The following NUP88 variants were observed in gnomAD, a reference collection of about 807,000 sequenced individuals.
NUP88 encodes nuclear pore complex protein Nup88.
In NUP88, 57 loss-of-function variants were observed where a neutral mutation model predicts 93.9. The ratio of observed to expected loss-of-function variants is 0.61; its 90% confidence interval spans 0.49 to 0.76. The LOEUF (loss-of-function observed/expected upper bound fraction) is 0.76. NUP88 is among the 30% of genes least tolerant of loss of function. NUP88 has a pLI of 0.00. For synonymous variants in NUP88, 346 were observed against 336.8 expected, an observed-to-expected ratio of 1.03 and a Z score of -0.30; for missense variants, 911 against 901.0, an observed-to-expected ratio of 1.01 and a Z score of -0.14.
chr17:5,410,794 C>T lies in NUP88; in HGVS notation c.594-5G>A, dbSNP rs367627797. On this transcript the variant is annotated splice_polypyrimidine_tract_variant and splice_region_variant and intron_variant, in intron 3 of 16. Transcript: ENST00000573584. Reference sequence around the variant, plus strand: ...GGCTCACGTAGTGAGTAAATTCTAGCAACCAAAAGAGAAGAAAACCAGCAC... The same window carrying T: ...GGCTCACGTAGTGAGTAAATTCTAGTAACCAAAAGAGAAGAAAACCAGCAC... The T allele has an allele frequency of 3.2e-6, 5 of 1,578,750 alleles. No homozygotes were observed. Among genetic ancestry groups the T allele is most frequent in the Non-Finnish European group, 4.3e-6 (5 of 1,159,570 alleles).
At position 5,404,411 on chromosome 17, in the gene NUP88, G is replaced by A. The variant is rs374273948; in HGVS notation, c.1045-165C>T. ...GTGGATCATCTGAGGTCAGGAGTTC[G>A]AGACCAGCCTGGCCAACATACTGAA... On this transcript the variant is annotated intron_variant, in intron 6 of 16. Coordinates refer to ENST00000573584, the MANE Select transcript of NUP88 (RefSeq NM_002532.6). Among the ~76,000 whole-genome samples, 6 of 152,168 alleles carry A rather than the reference G, an allele frequency of 3.9e-5. 1 individual carries two copies. In the South Asian group the frequency reaches 1.0e-3, roughly 26 times the overall value.
At chr17:5,406,135 A>G (rs1476463453) in intron 5 of NUP88, among the ~76,000 whole-genome samples, 2 of 152,238 alleles carry the variant, frequency 1.3e-5, no homozygotes, top group Non-Finnish European at 1.5e-5. Flanking sequence ...ATACCATGTG[A>G]TAAGTGCAAC....
chr17:5,416,619 G>A lies in NUP88; in HGVS notation c.361C>T (p.His121Tyr), dbSNP rs1479606110. ...IYQVLLSPTQHHVALIGIKGL... is the reference protein window; with the variant it reads ...IYQVLLSPTQYHVALIGIKGL... ...TTTATTCCTATAAGTGCTACATGATGTTGTGTTGGGCTTAACAAGACTTGA... is the reference window on the plus strand; with the variant it reads ...TTTATTCCTATAAGTGCTACATGATATTGTGTTGGGCTTAACAAGACTTGA... Residue 121 changes from histidine (H) to tyrosine (Y), a missense_variant, in exon 2 of 17, where the codon CAT becomes TAT. Physicochemically the swap from His to Tyr is moderately conservative, Grantham distance 83. Transcript: ENST00000573584. 6.2e-7 allele frequency: 1 copy of A among 1,612,426 alleles called. No individual in the cohort carries two copies.
intron 2 of NUP88, among the ~76,000 whole-genome samples, chr17:5,415,165 G>A (rs1302576596): frequency 1.3e-5 from 2 of 151,586 alleles, no homozygotes; most frequent in South Asian, 2.1e-4. Context: ...GACTACAGGC[G>A]TGTGCCACCA....
At chr17:5,397,402 T>C (rs780406739) in intron 8 of NUP88, among the ~76,000 whole-genome samples, 1 of 151,936 alleles carries the variant, frequency 6.6e-6, no homozygotes, top group Non-Finnish European at 1.5e-5. Context: ...GCAGACTTAA[T>C]GTTACCACAA....
intron 10 of NUP88, among the ~76,000 whole-genome samples, chr17:5,391,284 T>A (rs532701496): frequency 1.3e-5 from 2 of 152,306 alleles, no homozygotes; most frequent in South Asian, 4.1e-4. Flanking sequence ...ATATCGATAA[T>A]GGAATTTGGT....
At chr17:5,408,458 TAAGC>T (rs1913625264) in intron 5 of NUP88, among the ~76,000 whole-genome samples, 1 of 152,232 alleles carries the variant, frequency 6.6e-6, no homozygotes, top group Admixed American at 6.5e-5. Context: ...AGATAAACAA[TAAGC>T]ACTTGTTCGG....
chr17:5,416,188 T>TACACACAC (rs149950508), intron 2 of NUP88, among the ~76,000 whole-genome samples: 10,710 of 125,122 alleles, frequency 0.086, 544 homozygotes, highest in Middle Eastern at 0.11. Flanking sequence ...TATACACACA[T>TACACACAC]ACACACACAC....
rs774457202 is a variant in NUP88 at position 5,394,902 on chromosome 17, T to C, written c.1371A>G (p.Pro457=). Residue 457 remains proline, a synonymous_variant, in exon 9 of 17, where the codon CCA becomes CCG. Transcript: ENST00000573584. The part of the protein sequence containing the change: ...CFVEHILCTK[P]LPCRQPAPIR... Reference sequence around the variant, plus strand: ...GGGAGAGTCCTTACCTGCAGGGCAATGGCTTCGTACAAAGGATGTGTTCAA... The same window carrying C: ...GGGAGAGTCCTTACCTGCAGGGCAACGGCTTCGTACAAAGGATGTGTTCAA... 2 of 1,612,202 alleles carry C rather than the reference T, an allele frequency of 1.2e-6. No individual in the cohort carries two copies. The highest frequency in any genetic ancestry group is 4.5e-5 in the East Asian group (2 of 44,884).
In NUP88 at chr17:5,394,953, T is replaced by G. The variant is rs1322209131; in HGVS notation, c.1320A>C (p.Glu440Asp). 1.9e-6 allele frequency: 3 copies of G among 1,612,410 alleles called. No homozygotes were observed. Among genetic ancestry groups the G allele is most frequent in the Non-Finnish European group, 2.5e-6 (3 of 1,178,564 alleles). ...SDEEDKDSLQ[E>D]LSTEQKCFVE... Reference sequence around the variant, plus strand: ...CAAAGCATTTCTGTTCTGTAGAGAGTTCCTGTAAACTATCCTTATCTTCTT... The same window carrying G: ...CAAAGCATTTCTGTTCTGTAGAGAGGTCCTGTAAACTATCCTTATCTTCTT... Residue 440 changes from glutamate (E) to aspartate (D), a missense_variant, in exon 9 of 17, where the codon GAA (glutamate) becomes GAC (aspartate). Transcript: ENST00000573584.
chr17:5,392,015 G>T (rs1214042485), intron 9 of NUP88, among the ~76,000 whole-genome samples: 1 of 152,208 alleles, frequency 6.6e-6, no homozygotes, highest in African/African-American at 2.4e-5. Flanking sequence ...ACTGTTGAAT[G>T]AACAGAACTA....
intron 2 of NUP88, among the ~76,000 whole-genome samples, chr17:5,416,180 T>TATATATATATATATATACACAC (rs1374990658): frequency 9.3e-6 from 1 of 107,338 alleles, no homozygotes; most frequent in Non-Finnish European, 1.8e-5. Flanking sequence ...TATATATATA[T>TATATATATATATATATACACAC]ACACACATAC....
At chr17:5,404,607 T>G (rs1012562547) in intron 6 of NUP88, among the ~76,000 whole-genome samples, 1 of 151,948 alleles carries the variant, frequency 6.6e-6, no homozygotes, top group Non-Finnish European at 1.5e-5. Flanking sequence ...AGAGCGAAAC[T>G]CTGTCTCCAA....
rs530383408 is a variant in NUP88 at position 5,412,487 on chromosome 17, C to T, written c.593+1522G>A. 2.5e-3 allele frequency among the ~76,000 whole-genome samples: 387 copies of T among 152,246 alleles called. 2 individuals carry two copies. The highest frequency in any genetic ancestry group is 0.01 in the Middle Eastern group (3 of 294). On this transcript the variant is annotated intron_variant, in intron 3 of 16. Coordinates refer to ENST00000573584, the MANE Select transcript of NUP88 (RefSeq NM_002532.6). ...TCACGTTCAGTACTATCTACAGTTT[C>T]AGGCATTCACTGGGGGGTCTTGGAA...
chr17:5,393,280 T>C (rs1912558470), intron 9 of NUP88, among the ~76,000 whole-genome samples: 1 of 151,310 alleles, frequency 6.6e-6, no homozygotes, highest in Non-Finnish European at 1.5e-5. Context: ...TTAAATTTTT[T>C]TGTAAAGGGT....
intron 5 of NUP88, among the ~76,000 whole-genome samples, 155 bp downstream of exon 5, chr17:5,408,578 T>C (rs928825507): frequency 6.6e-6 from 1 of 152,244 alleles, no homozygotes; most frequent in Admixed American, 6.5e-5. Context: ...CCAAATGACC[T>C]GTACTAACTC....
intron 5 of NUP88, 64 bp downstream of exon 5, chr17:5,408,669 T>A: frequency 8.0e-7 from 1 of 1,256,518 alleles, no homozygotes; most frequent in Non-Finnish European, 1.1e-6. Context: ...AAGTCCAGCC[T>A]CAATGATATC....
Position 5,394,885 on chromosome 17 carries a change from C to T in NUP88, c.1382+6G>A. On this transcript the variant is annotated splice_donor_region_variant and intron_variant, in intron 9 of 16. Transcript: ENST00000573584. ...TTCTGATATACAAGGGAGGGAGAGTCCTTACCTGCAGGGCAATGGCTTCGT... is the reference window on the plus strand; with the variant it reads ...TTCTGATATACAAGGGAGGGAGAGTTCTTACCTGCAGGGCAATGGCTTCGT... The T allele has an allele frequency of 3.8e-6, 6 of 1,598,404 alleles. No homozygotes were observed. The highest frequency in any genetic ancestry group is 5.1e-6 in the Non-Finnish European group (6 of 1,165,886).
intron 8 of NUP88, among the ~76,000 whole-genome samples, chr17:5,395,851 C>T (rs1912743038): frequency 6.6e-6 from 1 of 152,138 alleles, no homozygotes; most frequent in African/African-American, 2.4e-5. Context: ...TTCACAGTAC[C>T]ATACAAGTCA....
Sources: gnomAD v4.1 joint callset for allele counts (sites outside exome capture counted in the v4.1 genomes callset) on GRCh38, gnomAD v4.1.1 for gene constraint, MANE v1.5 for transcripts, NCBI Gene and HGNC (gene_info 2026-07-23, HGNC 2026-07-21) for gene names.